HPSE2: variants seen among roughly 807,000 people sequenced by gnomAD.
HPSE2 encodes inactive heparanase-2.
Under a neutral mutation model 60.5 loss-of-function variants are expected in HPSE2, and 38 were observed. The observed-to-expected ratio is 0.63, with a 90% CI of 0.48 to 0.82. HPSE2 has a LOEUF of 0.82. Among genes scored for constraint, HPSE2 ranks in the 40% least tolerant of loss-of-function variants. HPSE2 has a pLI of 0.00. For synonymous variants in HPSE2, 295 were observed against 293.2 expected (o/e 1.01, Z -0.06); for missense variants, 713 against 740.4 (o/e 0.96, Z 0.43).
At chr10:98,949,432 T>C (rs1293465974) in intron 3 of HPSE2, among the ~76,000 whole-genome samples, 3 of 152,118 alleles carry the variant, frequency 2.0e-5, no homozygotes, top group Non-Finnish European at 4.4e-5. Context: ...GGCAAAGTTG[T>C]GTCAGAGATG....
intron 3 of HPSE2, among the ~76,000 whole-genome samples, chr10:99,070,131 A>G (rs60255553): frequency 1.3e-5 from 2 of 152,346 alleles, no homozygotes; most frequent in East Asian, 3.9e-4. Flanking sequence ...ACTAGACTTC[A>G]TCGAAATTAA....
At chr10:98,806,645 GTGA>G (rs1279812937) in intron 3 of HPSE2, among the ~76,000 whole-genome samples, 1 of 152,192 alleles carries the variant, frequency 6.6e-6, no homozygotes, top group Non-Finnish European at 1.5e-5. Flanking sequence ...TATGATAATG[GTGA>G]TGATCTCATA....
intron 2 of HPSE2, among the ~76,000 whole-genome samples, chr10:99,188,655 A>C (rs1256866438): frequency 2.0e-5 from 3 of 152,206 alleles, no homozygotes; most frequent in African/African-American, 2.4e-5. Flanking sequence ...GAGGAGGCTT[A>C]ATCTTAAAGC....
chr10:99,220,097 A>G (rs1849258504), intron 2 of HPSE2, among the ~76,000 whole-genome samples: 1 of 152,220 alleles, frequency 6.6e-6, no homozygotes, highest in Admixed American at 6.5e-5. Flanking sequence ...AGGATATCAT[A>G]TTTTGATGCA....
At chr10:98,605,649 C>T (rs1207152150) in intron 9 of HPSE2, among the ~76,000 whole-genome samples, 1 of 152,168 alleles carries the variant, frequency 6.6e-6, no homozygotes, top group Non-Finnish European at 1.5e-5. Flanking sequence ...CAGTGAGATA[C>T]ACCACTATTA....
rs189291456 is a variant in HPSE2, at chr10:99,101,123, A to T, written c.610+43115T>A. On this transcript the variant is annotated intron_variant, in intron 3 of 11. Transcript: ENST00000370552. ...AGCTAACATCATAATGACAGGATAA[A>T]ATTCATACATTACAATATTAACCTT... Among the ~76,000 whole-genome samples, 212 of 152,312 alleles carry T rather than the reference A, an allele frequency of 1.4e-3. 1 individual carries two copies. The highest frequency in any genetic ancestry group is 0.012 in the Admixed American group (181 of 15,300).
chr10:98,683,176 A>G (rs996006330), intron 6 of HPSE2, among the ~76,000 whole-genome samples: 2 of 152,194 alleles, frequency 1.3e-5, no homozygotes, highest in Non-Finnish European at 2.9e-5. Context: ...TACTAGTTAA[A>G]AAGAAATGTC....
rs1947727829 is a variant in HPSE2, at chr10:98,679,387, G to A, written c.1004+14513C>T. On this transcript the variant is annotated intron_variant, in intron 6 of 11. Transcript: ENST00000370552. ...TCTCACCTCTCATGAGTGCACAGCGGCATTTTCCAGAGTCCATATGACATG... is the reference window on the plus strand; with the variant it reads ...TCTCACCTCTCATGAGTGCACAGCGACATTTTCCAGAGTCCATATGACATG... 2.6e-5 allele frequency among the ~76,000 whole-genome samples: 4 copies of A among 152,202 alleles called. No individual in the cohort carries two copies. The South Asian group carries it at 8.3e-4, about 32-fold the overall frequency.
At chr10:98,708,913 C>T (rs2134213364) in intron 5 of HPSE2, among the ~76,000 whole-genome samples, 1 of 152,224 alleles carries the variant, frequency 6.6e-6, no homozygotes, top group Non-Finnish European at 1.5e-5. Context: ...TAATTAGATA[C>T]AATTCCAAAG....
intron 7 of HPSE2, among the ~76,000 whole-genome samples, chr10:98,624,991 T>C (rs1946169836): frequency 6.6e-6 from 1 of 152,246 alleles, no homozygotes; most frequent in Non-Finnish European, 1.5e-5. Flanking sequence ...GGAAATTTCC[T>C]AGAAACCTTG....
intron 3 of HPSE2, among the ~76,000 whole-genome samples, chr10:99,136,295 G>A (rs905824341): frequency 1.3e-5 from 2 of 152,026 alleles, no homozygotes; most frequent in South Asian, 2.1e-4. Flanking sequence ...ATTCACAGCC[G>A]AATTCTACCA....
At position 98,947,504 on chromosome 10, in the gene HPSE2, G is replaced by A. The variant is rs540935281; in HGVS notation, c.610+196734C>T. On this transcript the variant is annotated intron_variant, in intron 3 of 11. Coordinates refer to ENST00000370552, the MANE Select transcript of HPSE2 (RefSeq NM_021828.5). Reference sequence around the variant, plus strand: ...GTAGCTCCTGCTGACAAGAGGCAGCGGATAAATTCCCAGGCACCATTAAGA... The same window carrying A: ...GTAGCTCCTGCTGACAAGAGGCAGCAGATAAATTCCCAGGCACCATTAAGA... 2.8e-4 allele frequency among the ~76,000 whole-genome samples: 43 copies of A among 152,240 alleles called. 1 individual carries two copies. The highest frequency in any genetic ancestry group is 2.3e-3 in the South Asian group (11 of 4,830).
At chr10:98,877,388 A>C (rs991695672) in intron 3 of HPSE2, among the ~76,000 whole-genome samples, 2 of 152,050 alleles carry the variant, frequency 1.3e-5, no homozygotes, top group East Asian at 1.9e-4. Flanking sequence ...CAGTTTAGGT[A>C]GTTTAGAAAA....
chr10:98,688,311 C>G (rs1470902719), intron 6 of HPSE2, among the ~76,000 whole-genome samples: 1 of 151,860 alleles, frequency 6.6e-6, no homozygotes, highest in African/African-American at 2.4e-5. Context: ...TATATTTTTG[C>G]ATGAATCATT....
chr10:99,191,201 T>C (rs1468850412), intron 2 of HPSE2, among the ~76,000 whole-genome samples: 1 of 151,890 alleles, frequency 6.6e-6, no homozygotes, highest in Non-Finnish European at 1.5e-5. Flanking sequence ...TGGGGGGTAG[T>C]TCGCCACCCT....
At chr10:98,964,513 C>T (rs1468121518) in intron 3 of HPSE2, among the ~76,000 whole-genome samples, 1 of 152,124 alleles carries the variant, frequency 6.6e-6, no homozygotes, top group Non-Finnish European at 1.5e-5. Context: ...ACCTTCCTTC[C>T]TTTCCATAGA....
At chr10:98,516,295 T>C (rs1942599957) in intron 9 of HPSE2, among the ~76,000 whole-genome samples, 1 of 152,230 alleles carries the variant, frequency 6.6e-6, no homozygotes, top group Non-Finnish European at 1.5e-5. Context: ...AGTGACACAG[T>C]TGCAGCCTCA....
chr10:99,253,528 A>G, the HPSE2 span, among the ~76,000 whole-genome samples: 1 of 152,188 alleles, frequency 6.6e-6, no homozygotes, highest in East Asian at 1.9e-4. Context: ...AGGAAACACC[A>G]TTCTGGACAT....
chr10:99,311,224 C>T, the HPSE2 span, among the ~76,000 whole-genome samples: 1 of 152,134 alleles, frequency 6.6e-6, no homozygotes, highest in East Asian at 1.9e-4. Context: ...ACATAAACAT[C>T]ATAAAATGTA....
Sources: allele counts gnomAD v4.1 joint callset (sites outside exome capture counted in the v4.1 genomes callset), GRCh38; gene constraint gnomAD v4.1.1; transcripts MANE v1.5; gene names NCBI Gene and HGNC (gene_info 2026-07-23, HGNC 2026-07-21).